Variants in EML1 observed in about 807,000 individuals in gnomAD.
The protein encoded by EML1 is EMAP like 1, also known as echinoderm microtubule-associated protein-like 1.
In EML1, 27 loss-of-function variants were observed where a neutral mutation model predicts 110.4. The observed-to-expected ratio is 0.24, with a 90% confidence interval of 0.18 to 0.34. The LOEUF (loss-of-function observed/expected upper bound fraction) is 0.34. EML1 is among the 10% of genes least tolerant of loss of function. The probability of loss-of-function intolerance (pLI) is 1.00; values close to 1 mark genes in which losing one functional copy is unlikely to be tolerated. For synonymous variants in EML1, 344 were observed against 385.8 expected (o/e 0.89, Z 1.27); for missense variants, 741 against 1,030.9 (o/e 0.72, Z 3.85).
intron 1 of EML1, among the ~76,000 whole-genome samples, chr14:99,748,607 A>G (rs1234370376): frequency 6.6e-6 from 1 of 152,150 alleles, no homozygotes; most frequent in African/African-American, 2.4e-5. Flanking sequence ...GTAGTGAGTC[A>G]TGATCGCTCC....
rs189645168 is a variant in EML1 at position 99,855,721 on chromosome 14, A to G, written c.250+4686A>G. Among the ~76,000 whole-genome samples, 573 of 152,354 alleles carry G rather than the reference A, an allele frequency of 3.8e-3. 20 individuals are homozygous for G. The highest frequency in any genetic ancestry group is 0.032 in the Admixed American group (494 of 15,300). Reference sequence around the variant, plus strand: ...TTAATATGCCTTTGCAACTTTTACAATCAGTTATACCAACTAGTGGATCTA... The same window carrying G: ...TTAATATGCCTTTGCAACTTTTACAGTCAGTTATACCAACTAGTGGATCTA... On this transcript the variant is annotated intron_variant, in intron 2 of 21. Coordinates refer to ENST00000262233, the MANE Select transcript of EML1 (RefSeq NM_004434.3).
At chr14:99,764,922 G>A (rs904260565) in intron 1 of EML1, among the ~76,000 whole-genome samples, 3 of 146,910 alleles carry the variant, frequency 2.0e-5, no homozygotes, top group Non-Finnish European at 3.0e-5. Flanking sequence ...AATCGTTTTT[G>A]TTGTTGTTGG....
intron 4 of EML1, among the ~76,000 whole-genome samples, chr14:99,884,708 A>G (rs1454190016): frequency 3.3e-5 from 5 of 152,240 alleles, no homozygotes; most frequent in African/African-American, 7.2e-5. Context: ...TTACTTTACT[A>G]TAAAATAAAG....
intron 3 of EML1, among the ~76,000 whole-genome samples, chr14:99,867,400 A>G (rs2059120632): frequency 6.6e-6 from 1 of 152,196 alleles, no homozygotes; most frequent in African/African-American, 2.4e-5. Context: ...ATTGCATTAA[A>G]TCTGCATATC....
intron 17 of EML1, among the ~76,000 whole-genome samples, chr14:99,934,192 T>C (rs772971452): frequency 6.6e-6 from 1 of 152,262 alleles, no homozygotes; most frequent in African/African-American, 2.4e-5. Flanking sequence ...TCGTCACTGT[T>C]GCTGTCCAGG....
intron 6 of EML1, among the ~76,000 whole-genome samples, chr14:99,894,992 T>C (rs897791700): frequency 5.3e-5 from 8 of 152,248 alleles, no homozygotes; most frequent in Non-Finnish European, 1.2e-4. Flanking sequence ...AACCAACTTA[T>C]CATTCCTGAA....
In EML1 at chr14:99,911,416, G is replaced by A. The variant is rs759238345; in HGVS notation, c.1340-6G>A. 1.3e-6 allele frequency: 2 copies of A among 1,586,066 alleles called. No individual in the cohort carries two copies. Among genetic ancestry groups the A allele is most frequent in the African/African-American group, 1.4e-5 (1 of 73,050 alleles). The stretch of plus-strand genomic sequence containing the variant: ...GTGCTAATGATGGTTTTCTTGGTGT[G>A]TTTAGGTACAAATCGAATAAGCTAT... On this transcript the variant is annotated splice_region_variant and splice_polypyrimidine_tract_variant and intron_variant, in intron 12 of 21. Coordinates refer to ENST00000262233, the MANE Select transcript of EML1 (RefSeq NM_004434.3).
At chr14:99,903,656 G>A (rs2140027053) in intron 9 of EML1, among the ~76,000 whole-genome samples, 1 of 152,126 alleles carries the variant, frequency 6.6e-6, no homozygotes, top group Non-Finnish European at 1.5e-5. Context: ...ACAGCCCAAA[G>A]AAAGCCAATT....
intron 1 of EML1, among the ~76,000 whole-genome samples, chr14:99,836,250 T>C (rs1449323914): frequency 6.6e-6 from 1 of 152,218 alleles, no homozygotes; most frequent in East Asian, 1.9e-4. Context: ...GTAAATATTT[T>C]GGTAGATGTA....
intron 1 of EML1, among the ~76,000 whole-genome samples, chr14:99,743,460 G>C (rs1432792581): frequency 6.6e-6 from 1 of 152,126 alleles, no homozygotes; most frequent in African/African-American, 2.4e-5. Flanking sequence ...ATGTTGTTAG[G>C]CATGTCCAGG....
At chr14:99,749,335 C>CA (rs2057149961) in intron 1 of EML1, among the ~76,000 whole-genome samples, 1 of 150,926 alleles carries the variant, frequency 6.6e-6, no homozygotes, top group Non-Finnish European at 1.5e-5. Context: ...ACTGTCTTCT[C>CA]GCCCCCCCAG....
intron 3 of EML1, among the ~76,000 whole-genome samples, chr14:99,866,244 AC>A: frequency 6.6e-6 from 1 of 152,172 alleles, no homozygotes; most frequent in South Asian, 2.1e-4. Flanking sequence ...GGAGTGTGAG[AC>A]CAGCCCACCT....
chr14:99,908,068 C>T (rs1394868113), intron 10 of EML1, among the ~76,000 whole-genome samples: 3 of 152,194 alleles, frequency 2.0e-5, no homozygotes, highest in Admixed American at 6.5e-5. Context: ...TCGCACGGCA[C>T]GTGGAGGCCC....
chr14:99,930,435 G>T (rs918035433), intron 17 of EML1, among the ~76,000 whole-genome samples: 2 of 152,192 alleles, frequency 1.3e-5, no homozygotes, highest in East Asian at 3.9e-4. Context: ...GCGGGTGGGG[G>T]TTCTTTGGCA....
At chr14:99,745,415 C>G (rs975815806) in intron 1 of EML1, among the ~76,000 whole-genome samples, 9 of 152,136 alleles carry the variant, frequency 5.9e-5, no homozygotes, top group African/African-American at 2.2e-4. Context: ...CACACACACA[C>G]GCACACACTA....
chr14:99,862,022 C>G (rs767225997), intron 2 of EML1, among the ~76,000 whole-genome samples: 5 of 152,152 alleles, frequency 3.3e-5, no homozygotes, highest in Non-Finnish European at 4.4e-5. Flanking sequence ...GTTCCAGGTT[C>G]CCATGCAGGA....
At chr14:99,813,953 G>C (rs142000675) in intron 1 of EML1, among the ~76,000 whole-genome samples, 60 of 152,128 alleles carry the variant, frequency 3.9e-4, no homozygotes, top group African/African-American at 1.3e-3. Context: ...CTGTGCCTGC[G>C]TGGAGACCTT....
chr14:99,765,912 T>C (rs1374495098), intron 1 of EML1, among the ~76,000 whole-genome samples: 1 of 152,088 alleles, frequency 6.6e-6, no homozygotes, highest in African/African-American at 2.4e-5. Context: ...CCTGGATTAA[T>C]GGTTAATAAT....
intron 1 of EML1, among the ~76,000 whole-genome samples, chr14:99,812,081 T>A (rs1363178789): frequency 6.6e-6 from 1 of 151,898 alleles, no homozygotes; most frequent in Non-Finnish European, 1.5e-5. Flanking sequence ...TTCTCTACTC[T>A]CCTGTCTGAC....
Sources: allele counts gnomAD v4.1 joint callset (sites outside exome capture counted in the v4.1 genomes callset), GRCh38; gene constraint gnomAD v4.1.1; transcripts MANE v1.5; gene names NCBI Gene and HGNC (gene_info 2026-07-23, HGNC 2026-07-21).